MFSD11: variants seen among roughly 807,000 people sequenced by gnomAD.
The protein encoded by MFSD11 is UNC93-like protein MFSD11.
In MFSD11, 36 loss-of-function variants were observed where a neutral mutation model predicts 53.5. The ratio of observed to expected loss-of-function variants is 0.67; its 90% CI spans 0.52 to 0.89. The LOEUF (loss-of-function observed/expected upper bound fraction) is 0.89. MFSD11 is among the 40% of genes least tolerant of loss of function. The probability of loss-of-function intolerance (pLI) is 0.00; values close to 1 mark genes in which losing one functional copy is unlikely to be tolerated. For synonymous variants in MFSD11, 186 were observed against 184.9 expected (o/e 1.01, Z -0.05); for missense variants, 530 against 543.9 (o/e 0.97, Z 0.25).
chr17:76,789,141 C>T, the MFSD11 span, among the ~76,000 whole-genome samples: 3 of 149,180 alleles, frequency 2.0e-5, no homozygotes, highest in African/African-American at 7.4e-5. Context: ...GACTTCATCT[C>T]AAAAAAATAA....
intron 9 of MFSD11, 31 bp downstream of exon 9, chr17:76,767,482 G>T (rs769870952): frequency 7.3e-7 from 1 of 1,361,616 alleles, no homozygotes; most frequent in Admixed American, 1.8e-5. Context: ...ATTTTCTCTT[G>T]CTGCATAATG....
In MFSD11 at chr17:76,739,003, C is replaced by T. The variant is rs557847665; in HGVS notation, c.152+10C>T. 6.8e-6 allele frequency: 11 copies of T among 1,607,814 alleles called. No individual in the cohort carries two copies. The Admixed American group carries it at 1.0e-4, about 15-fold the overall frequency. On this transcript the variant is annotated intron_variant, in intron 2 of 12. Coordinates refer to ENST00000685175, the MANE Select transcript of MFSD11 (RefSeq NM_001242532.5). ...GCAGTGGATATACCAGGTATTGTAC[C>T]GTATGATTGATTTTGCTTTATATTT...
At chr17:76,746,876 A>T (rs1166147543) in intron 7 of MFSD11, among the ~76,000 whole-genome samples, 1 of 152,008 alleles carries the variant, frequency 6.6e-6, no homozygotes, top group Non-Finnish European at 1.5e-5. Flanking sequence ...TTCTAACAAC[A>T]TGTGTTCTGC....
At chr17:76,760,564 C>T (rs1036936254) in intron 8 of MFSD11, among the ~76,000 whole-genome samples, 1 of 151,424 alleles carries the variant, frequency 6.6e-6, no homozygotes, top group African/African-American at 2.4e-5. Flanking sequence ...GAGTTTCGCT[C>T]TTGTCACCCA....
chr17:76,758,353 TGGG>T (rs2079853431), intron 8 of MFSD11, among the ~76,000 whole-genome samples: 1 of 151,682 alleles, frequency 6.6e-6, no homozygotes, highest in Admixed American at 6.6e-5. Flanking sequence ...GCCAAGGTGA[TGGG>T]GGGATTGCTT....
intron 2 of MFSD11, among the ~76,000 whole-genome samples, chr17:76,739,566 T>C (rs2077853592): frequency 6.6e-6 from 1 of 152,254 alleles, no homozygotes; most frequent in East Asian, 1.9e-4. Flanking sequence ...GGTTTTTCTT[T>C]TTTAAAATTA....
At chr17:76,745,642 T>C (rs2144221127) in intron 7 of MFSD11, among the ~76,000 whole-genome samples, 1 of 152,316 alleles carries the variant, frequency 6.6e-6, no homozygotes, top group Non-Finnish European at 1.5e-5. Context: ...GTGAACTTAA[T>C]TGATAAATGT....
At chr17:76,790,811 A>G in the MFSD11 span, among the ~76,000 whole-genome samples, 1 of 134,580 alleles carries the variant, frequency 7.4e-6, no homozygotes, top group African/African-American at 3.6e-5. Context: ...GTGGTGGCAC[A>G]CACCTTGTAG....
upstream of MFSD11, chr17:76,737,379 T>C (rs933201053): frequency 2.4e-5 from 12 of 508,086 alleles, no homozygotes; most frequent in African/African-American, 5.8e-5. Context: ...CCTCACAAAA[T>C]GGCGCCCGCG....
chr17:76,750,928 C>T (rs557420443), intron 7 of MFSD11, among the ~76,000 whole-genome samples: 1 of 151,070 alleles, frequency 6.6e-6, no homozygotes, highest in East Asian at 2.0e-4. Context: ...CTCGGCCTCC[C>T]AAGTAGCTGG....
the MFSD11 span, among the ~76,000 whole-genome samples, chr17:76,792,252 G>T: frequency 6.6e-6 from 1 of 150,496 alleles, no homozygotes; most frequent in African/African-American, 2.5e-5. Context: ...TTGAGTAGCT[G>T]GGATTACAGG....
At chr17:76,787,066 C>T in the MFSD11 span, among the ~76,000 whole-genome samples, 1 of 151,316 alleles carries the variant, frequency 6.6e-6, no homozygotes, top group Non-Finnish European at 1.5e-5. Context: ...TCATGTCTCT[C>T]GAACCTCTAT....
chr17:76,790,326 C>T, the MFSD11 span, among the ~76,000 whole-genome samples: 8 of 144,230 alleles, frequency 5.5e-5, no homozygotes, highest in East Asian at 4.1e-4. Flanking sequence ...TGCTCGGCCT[C>T]GGCCTCATAT....
At chr17:76,783,289 G>C (rs536689025), downstream of MFSD11, among the ~76,000 whole-genome samples, 9 of 152,230 alleles carry the variant, frequency 5.9e-5, no homozygotes, top group South Asian at 1.9e-3. Flanking sequence ...ATGGGTGTTT[G>C]TTTGTGTGTG....
chr17:76,761,047 TA>T (rs1378993104), intron 8 of MFSD11, among the ~76,000 whole-genome samples: 2 of 151,744 alleles, frequency 1.3e-5, no homozygotes, highest in Non-Finnish European at 2.9e-5. Context: ...CTACTAAAAA[TA>T]ACAAAAATTA....
chr17:76,773,575 T>A (rs946855804), intron 10 of MFSD11, among the ~76,000 whole-genome samples: 1 of 152,234 alleles, frequency 6.6e-6, no homozygotes, highest in Non-Finnish European at 1.5e-5. Context: ...GCAGGGTTTT[T>A]TTGTTTTGTT....
chr17:76,737,847 C>T (rs1445354410), upstream of MFSD11: 1 of 163,120 alleles, frequency 6.1e-6, no homozygotes, highest in Non-Finnish European at 1.3e-5. Flanking sequence ...CCCCTTTCGC[C>T]AGAGCCCGAG....
chr17:76,749,888 T>TAA (rs2078900810), intron 7 of MFSD11, among the ~76,000 whole-genome samples: 1 of 123,984 alleles, frequency 8.1e-6, no homozygotes, highest in African/African-American at 3.4e-5. Context: ...AGACTCCTTC[T>TAA]CAAAAAAAAA....
intron 10 of MFSD11, among the ~76,000 whole-genome samples, 173 bp from the exon 11 acceptor site, chr17:76,774,824 A>C (rs750147620): frequency 2.0e-5 from 3 of 152,188 alleles, no homozygotes; most frequent in Non-Finnish European, 4.4e-5. Context: ...TTTTTGTTCT[A>C]ATAGTTGATG....
Sources: gnomAD v4.1 joint callset for allele counts (sites outside exome capture counted in the v4.1 genomes callset) on GRCh38, gnomAD v4.1.1 for gene constraint, MANE v1.5 for transcripts, NCBI Gene and HGNC (gene_info 2026-07-23, HGNC 2026-07-21) for gene names.